DSCAM: variants seen among roughly 807,000 people sequenced by gnomAD.
The protein encoded by DSCAM is DS cell adhesion molecule.
Under a neutral mutation model 217.7 loss-of-function variants are expected in DSCAM, and 47 were observed. The ratio of observed to expected loss-of-function variants is 0.22; its 90% CI spans 0.17 to 0.28. The LOEUF is 0.28. Among genes scored for constraint, DSCAM ranks in the 10% least tolerant of loss-of-function variants. The probability of loss-of-function intolerance (pLI) is 1.00; values close to 1 mark genes in which losing one functional copy is unlikely to be tolerated. For missense variants in DSCAM, 2,080 were observed against 2,618.3 expected (o/e 0.79, Z 4.49); for synonymous variants, 1,056 against 1,015.3 (o/e 1.04, Z -0.76).
chr21:40,025,999 G>C (rs1251239747), intron 32 of DSCAM, among the ~76,000 whole-genome samples: 2 of 144,184 alleles, frequency 1.4e-5, no homozygotes, highest in Non-Finnish European at 3.1e-5. Context: ...GCTTTCTCTT[G>C]TGGGCATTTA....
chr21:40,577,217 AAATT>A (rs757114807), intron 3 of DSCAM, among the ~76,000 whole-genome samples: 2 of 148,992 alleles, frequency 1.3e-5, no homozygotes, highest in African/African-American at 2.5e-5. Flanking sequence ...TGAAAATATA[AAATT>A]ATTTACTCAA....
In DSCAM at chr21:40,502,751, A is replaced by ACTTAATT. The variant is rs538672115; in HGVS notation, c.509-133513_509-133507dup. ...TATGTCAAGGACAGCTGAGTAGCAA[A>ACTTAATT]CTTAATTCTATCTCCACCTTTAATT... On this transcript the variant is annotated intron_variant, in intron 3 of 32. Transcript: ENST00000400454. Among the ~76,000 whole-genome samples the ACTTAATT allele has an allele frequency of 7.7e-4, 117 of 152,296 alleles. 1 individual carries two copies. Among genetic ancestry groups the ACTTAATT allele is most frequent in the Admixed American group, 7.5e-3 (115 of 15,288 alleles).
chr21:40,479,135 G>T (rs7280353), intron 3 of DSCAM, among the ~76,000 whole-genome samples: 6 of 152,014 alleles, frequency 3.9e-5, no homozygotes, highest in African/African-American at 1.4e-4. Context: ...GCATTTCAAC[G>T]TCTAAGTAAT....
intron 20 of DSCAM, among the ~76,000 whole-genome samples, chr21:40,113,184 C>T (rs964806550): frequency 9.2e-5 from 14 of 151,808 alleles, no homozygotes; most frequent in Admixed American, 3.3e-4. Context: ...ACTGGCAAAC[C>T]GAATAAGCAC....
chr21:40,183,194 C>T (rs1229258948), intron 14 of DSCAM, among the ~76,000 whole-genome samples: 5 of 152,056 alleles, frequency 3.3e-5, no homozygotes, highest in Non-Finnish European at 4.4e-5. Context: ...GGGCAGGCTG[C>T]CTTCCAAGGA....
chr21:40,690,496 C>T (rs532534864), intron 3 of DSCAM, among the ~76,000 whole-genome samples: 49 of 152,236 alleles, frequency 3.2e-4, no homozygotes, highest in African/African-American at 1.2e-3. Context: ...TATTTATTTT[C>T]TAGATGCTGT....
intron 8 of DSCAM, among the ~76,000 whole-genome samples, chr21:40,322,562 T>G (rs1213077211): frequency 6.6e-6 from 1 of 152,220 alleles, no homozygotes; most frequent in African/African-American, 2.4e-5. Context: ...TCCCATCTTG[T>G]TGCCCAGGCT....
At chr21:40,236,769 A>G (rs1408173141) in intron 11 of DSCAM, among the ~76,000 whole-genome samples, 1 of 152,224 alleles carries the variant, frequency 6.6e-6, no homozygotes, top group Non-Finnish European at 1.5e-5. Context: ...ACTGATCTAC[A>G]GTAAGCAGTC....
At chr21:40,616,645 C>G (rs1232877360) in intron 3 of DSCAM, among the ~76,000 whole-genome samples, 1 of 152,120 alleles carries the variant, frequency 6.6e-6, no homozygotes, top group African/African-American at 2.4e-5. Context: ...GATGCCACTG[C>G]GTGTTTTTTC....
At chr21:40,795,160 TC>T (rs1288966931) in intron 1 of DSCAM, among the ~76,000 whole-genome samples, 1 of 152,022 alleles carries the variant, frequency 6.6e-6, no homozygotes, top group Non-Finnish European at 1.5e-5. Context: ...ACCTCCTCCA[TC>T]ACATAAACTT....
At chr21:40,604,764 G>A (rs1458972561) in intron 3 of DSCAM, among the ~76,000 whole-genome samples, 1 of 152,114 alleles carries the variant, frequency 6.6e-6, no homozygotes, top group East Asian at 1.9e-4. Context: ...GAGGTGTTAG[G>A]GAGAGGAAGC....
chr21:40,453,772 C>A (rs762630876), intron 3 of DSCAM, among the ~76,000 whole-genome samples: 1 of 152,214 alleles, frequency 6.6e-6, no homozygotes, highest in Non-Finnish European at 1.5e-5. Flanking sequence ...AAAGTACAAA[C>A]AGTCCCTGCC....
At chr21:40,573,219 T>C (rs1270157897) in intron 3 of DSCAM, among the ~76,000 whole-genome samples, 6 of 152,022 alleles carry the variant, frequency 3.9e-5, no homozygotes, top group Non-Finnish European at 8.8e-5. Flanking sequence ...GTGACTGTAG[T>C]CCCAGCTACT....
At chr21:40,756,976 C>CATGTAT (rs35592258) in intron 1 of DSCAM, among the ~76,000 whole-genome samples, 2 of 149,604 alleles carry the variant, frequency 1.3e-5, no homozygotes, top group Non-Finnish European at 3.0e-5. Flanking sequence ...AACAAATGGT[C>CATGTAT]GTGTGTGTGT....
Position 40,023,220 on chromosome 21 carries a change from G to T in DSCAM, c.5687-9834C>A, listed in dbSNP as rs564647157. 2.9e-3 allele frequency among the ~76,000 whole-genome samples: 446 copies of T among 152,210 alleles called. 4 individuals carry two copies. Among genetic ancestry groups the T allele is most frequent in the African/African-American group, 9.6e-3 (398 of 41,518 alleles). On this transcript the variant is annotated intron_variant, in intron 32 of 32. Transcript: ENST00000400454. ...CATGAACTCATCATTTTTTATGGCT[G>T]CATAGTGTTCCATGGTGTATATGTG...
intron 3 of DSCAM, among the ~76,000 whole-genome samples, chr21:40,433,346 T>C (rs1293480884): frequency 2.1e-5 from 2 of 93,734 alleles, no homozygotes; most frequent in African/African-American, 4.3e-5. Context: ...AGACTCCGTC[T>C]AAAAAAAAAA....
At chr21:40,724,216 G>A (rs1313042309) in intron 1 of DSCAM, among the ~76,000 whole-genome samples, 1 of 152,208 alleles carries the variant, frequency 6.6e-6, no homozygotes, top group Admixed American at 6.5e-5. Context: ...AGGCATGAAA[G>A]TGGCTAGCGA....
intron 3 of DSCAM, among the ~76,000 whole-genome samples, chr21:40,622,871 CAA>C (rs35404997): frequency 7.0e-6 from 1 of 141,850 alleles, no homozygotes. Context: ...GTACATGATA[CAA>C]AAAAAAAAAA....
intron 3 of DSCAM, among the ~76,000 whole-genome samples, chr21:40,431,073 G>A (rs755651881): frequency 1.8e-4 from 28 of 152,208 alleles, no homozygotes; most frequent in Non-Finnish European, 2.5e-4. Context: ...GAATCTCTGC[G>A]AAGATAAATA....
Sources: allele counts gnomAD v4.1 joint callset (sites outside exome capture counted in the v4.1 genomes callset), GRCh38; gene constraint gnomAD v4.1.1; transcripts MANE v1.5; gene names NCBI Gene and HGNC (gene_info 2026-07-23, HGNC 2026-07-21).